Variants in RGS7 observed in about 807,000 individuals in gnomAD.
RGS7 encodes the protein regulator of G protein signaling 7, also known as regulator of G-protein signaling 7.
A neutral mutation model predicts 81.1 loss-of-function variants in RGS7; 27 were observed. That is an observed-to-expected ratio of 0.33 (90% CI 0.25 to 0.46). The LOEUF is 0.46. RGS7 is among the 20% of genes least tolerant of loss of function. The probability of loss-of-function intolerance (pLI) is 1.00; values close to 1 mark genes in which losing one functional copy is unlikely to be tolerated. For missense variants in RGS7, 396 were observed against 607.4 expected (o/e 0.65, Z 3.66); for synonymous variants, 208 against 207.7 (o/e 1.00, Z -0.01).
chr1:241,048,862 T>C (rs2500240), intron 3 of RGS7, among the ~76,000 whole-genome samples: 150,102 of 152,308 alleles, frequency 0.99, 74,002 homozygotes, highest in East Asian at 1. Flanking sequence ...ACTGATGTGT[T>C]AACGGGACCA....
chr1:241,251,886 T>C (rs887789133), intron 2 of RGS7, among the ~76,000 whole-genome samples: 2 of 152,042 alleles, frequency 1.3e-5, no homozygotes, highest in African/African-American at 4.8e-5. Flanking sequence ...CACTCTCAGG[T>C]AAATCACTTT....
intron 6 of RGS7, among the ~76,000 whole-genome samples, chr1:240,900,260 A>C (rs1479605322): frequency 6.6e-6 from 1 of 152,004 alleles, no homozygotes; most frequent in Non-Finnish European, 1.5e-5. Context: ...GAAGTTTGTT[A>C]TTACCGATCG....
At chr1:241,136,707 T>G (rs1045266746) in intron 2 of RGS7, among the ~76,000 whole-genome samples, 2 of 152,212 alleles carry the variant, frequency 1.3e-5, no homozygotes, top group African/African-American at 2.4e-5. Context: ...TTGATTTCAT[T>G]TTCAGTTCTT....
At chr1:240,924,217 C>T (rs77709049) in intron 6 of RGS7, among the ~76,000 whole-genome samples, 2,001 of 152,252 alleles carry the variant, frequency 0.013, 33 homozygotes, top group African/African-American at 0.044. Flanking sequence ...AACTAGAATA[C>T]TTTCTTTTTG....
At chr1:241,236,697 G>A (rs1159283591) in intron 2 of RGS7, among the ~76,000 whole-genome samples, 1 of 152,058 alleles carries the variant, frequency 6.6e-6, no homozygotes, top group African/African-American at 2.4e-5. Context: ...CAGTTTTATT[G>A]CCACACCCAA....
At chr1:241,154,772 CA>C (rs1325429028) in intron 2 of RGS7, among the ~76,000 whole-genome samples, 1 of 152,116 alleles carries the variant, frequency 6.6e-6, no homozygotes, top group African/African-American at 2.4e-5. Flanking sequence ...AGAGAAATGG[CA>C]GACAATTCAG....
At chr1:240,905,672 G>T (rs1572694189) in intron 6 of RGS7, among the ~76,000 whole-genome samples, 1 of 152,188 alleles carries the variant, frequency 6.6e-6, no homozygotes, top group African/African-American at 2.4e-5. Flanking sequence ...GTGCTCAGTG[G>T]AAGCGTTGGA....
intron 9 of RGS7, among the ~76,000 whole-genome samples, chr1:240,867,271 G>A (rs1159162225): frequency 1.3e-5 from 2 of 152,064 alleles, no homozygotes; most frequent in African/African-American, 4.8e-5. Context: ...TTTCTATTTT[G>A]GTCTGACTCT....
chr1:240,919,968 A>G (rs541102962), intron 6 of RGS7: 217 of 1,352,308 alleles, frequency 1.6e-4, no homozygotes, highest in Non-Finnish European at 2.2e-4. Flanking sequence ...TGTGAAAAAC[A>G]TATTTGTTGG....
At chr1:240,805,363 G>T (rs1221507572) in intron 15 of RGS7, among the ~76,000 whole-genome samples, 2 of 146,830 alleles carry the variant, frequency 1.4e-5, no homozygotes, top group Non-Finnish European at 3.0e-5. Context: ...AACAGAGAGA[G>T]AACTTGTTTC....
rs536779524 is a variant in RGS7, at chr1:240,907,246, G to T, written c.385+23471C>A. 7.9e-5 allele frequency among the ~76,000 whole-genome samples: 12 copies of T among 152,174 alleles called. 1 individual carries two copies. Among genetic ancestry groups the T allele is most frequent in the African/African-American group, 2.9e-4 (12 of 41,524 alleles). ...ATGCCTGAAAAAATGTCAAAACATG[G>T]TTAGGGTTCCTCTCCTTGTTCAGGA... On this transcript the variant is annotated intron_variant, in intron 6 of 18. Coordinates refer to ENST00000440928, the MANE Select transcript of RGS7 (RefSeq NM_001364886.1).
chr1:241,140,706 C>T (rs976772998), intron 2 of RGS7, among the ~76,000 whole-genome samples: 1 of 152,156 alleles, frequency 6.6e-6, no homozygotes, highest in Non-Finnish European at 1.5e-5. Flanking sequence ...CCACTATGCC[C>T]AATCTGGACA....
chr1:241,047,733 CTTTTTTTTTT>C (rs34738551), intron 3 of RGS7, among the ~76,000 whole-genome samples: 2 of 89,514 alleles, frequency 2.2e-5, no homozygotes, highest in Non-Finnish European at 4.2e-5. Context: ...GTTTACAATC[CTTTTTTTTTT>C]TTTTTTTTTT....
rs562643338 is a variant in RGS7 at position 241,300,063 on chromosome 1, C to T, written c.78+55636G>A. Among the ~76,000 whole-genome samples, 3 of 151,586 alleles carry T rather than the reference C, an allele frequency of 2.0e-5. No homozygotes were observed. The East Asian group carries it at 5.8e-4, about 29-fold the overall frequency. Reference sequence around the variant, plus strand: ...CCAGGTTTTCAAAGTTGCAGTGAGCCGTGATCACGCCACTGCACTCCAACC... The same window carrying T: ...CCAGGTTTTCAAAGTTGCAGTGAGCTGTGATCACGCCACTGCACTCCAACC... On this transcript the variant is annotated intron_variant, in intron 2 of 18. Transcript: ENST00000440928.
At chr1:241,215,513 C>T (rs1209985782) in intron 2 of RGS7, among the ~76,000 whole-genome samples, 1 of 152,164 alleles carries the variant, frequency 6.6e-6, no homozygotes. Context: ...GAGGAGTTTA[C>T]GTTCATATTG....
intron 10 of RGS7, among the ~76,000 whole-genome samples, chr1:240,821,506 C>T (rs1263475865): frequency 6.6e-6 from 1 of 152,168 alleles, no homozygotes; most frequent in Admixed American, 6.5e-5. Context: ...GTTTCTATTG[C>T]CTGCACCTTT....
intron 4 of RGS7, among the ~76,000 whole-genome samples, chr1:240,940,595 T>C (rs1241741307): frequency 6.6e-6 from 1 of 152,088 alleles, no homozygotes; most frequent in East Asian, 1.9e-4. Flanking sequence ...TTACGGCACA[T>C]AAGGAAATCT....
chr1:241,124,142 C>G (rs1417355847), intron 2 of RGS7, among the ~76,000 whole-genome samples: 2 of 151,998 alleles, frequency 1.3e-5, no homozygotes, highest in Non-Finnish European at 2.9e-5. Flanking sequence ...GCCTCTAATT[C>G]CAGCTCTTTG....
Position 240,816,435 on chromosome 1 carries a change from A to T in RGS7, c.685-20T>A. On this transcript the variant is annotated intron_variant, in intron 10 of 18. Coordinates refer to ENST00000440928, the MANE Select transcript of RGS7 (RefSeq NM_001364886.1). ...GACAGACTATATTAAAATAAAAAATAAACATTTTAGGACAAAATACCGTTT... is the reference window on the plus strand; with the variant it reads ...GACAGACTATATTAAAATAAAAAATTAACATTTTAGGACAAAATACCGTTT... 1 of 1,497,194 alleles carries T rather than the reference A, an allele frequency of 6.7e-7. No individual in the cohort carries two copies. The highest frequency in any genetic ancestry group is 9.3e-7 in the Non-Finnish European group (1 of 1,073,640). The allele number at this position is 1,497,194 out of a possible 1,614,324, so 92.7% of individuals were successfully genotyped here.
Sources: gnomAD v4.1 joint callset for allele counts (sites outside exome capture counted in the v4.1 genomes callset) on GRCh38, gnomAD v4.1.1 for gene constraint, MANE v1.5 for transcripts, NCBI Gene and HGNC (gene_info 2026-07-23, HGNC 2026-07-21) for gene names.